IL1RAP: variants seen among roughly 807,000 people sequenced by gnomAD.
IL1RAP encodes the protein interleukin-1 receptor accessory protein.
A neutral mutation model predicts 60.7 loss-of-function variants in IL1RAP; 35 were observed. The ratio of observed to expected loss-of-function variants is 0.58; its 90% CI spans 0.44 to 0.76. The LOEUF is 0.76. Among genes scored for constraint, IL1RAP ranks in the 30% least tolerant of loss-of-function variants. The pLI is 0.00. For missense variants in IL1RAP, 572 were observed against 693.9 expected, an observed-to-expected ratio of 0.82 and a Z score of 1.97; for synonymous variants, 268 against 250.9, an observed-to-expected ratio of 1.07 and a Z score of -0.64.
chr3:190,631,289 G>A (rs724609), intron 9 of IL1RAP, among the ~76,000 whole-genome samples: 136,957 of 152,224 alleles, frequency 0.9, 61,812 homozygotes, highest in East Asian at 1. Flanking sequence ...AATAGGATCA[G>A]AACAATCAAA....
chr3:190,576,249 C>T (rs1364128011), intron 3 of IL1RAP, among the ~76,000 whole-genome samples: 1 of 152,056 alleles, frequency 6.6e-6, no homozygotes, highest in African/African-American at 2.4e-5. Flanking sequence ...GAAAGTCTGA[C>T]ATAATTGACT....
intron 1 of IL1RAP, among the ~76,000 whole-genome samples, chr3:190,524,203 G>T (rs1191100105): frequency 6.6e-6 from 1 of 151,920 alleles, no homozygotes; most frequent in Non-Finnish European, 1.5e-5. Flanking sequence ...TTCTAAATAG[G>T]TTGTTTTTTC....
At chr3:190,593,723 A>G (rs1202375301) in intron 3 of IL1RAP, among the ~76,000 whole-genome samples, 2 of 152,078 alleles carry the variant, frequency 1.3e-5, no homozygotes, top group African/African-American at 2.4e-5. Flanking sequence ...CCATGATTCA[A>G]TTACCTCCCA....
rs1734365338 is a variant in IL1RAP at position 190,651,089 on chromosome 3, A to G, written c.*2384A>G. On this transcript the variant is annotated 3_prime_UTR_variant, in exon 12 of 12. Transcript: ENST00000447382. ...TTTCAAGATTTTTTTTTAATGTTCC[A>G]GAAGATGGCCAATAGAGAACATTCA... The G allele has an allele frequency of 4.1e-6, 4 of 984,984 alleles. No individual in the cohort carries two copies. In the South Asian group the frequency reaches 1.9e-4, roughly 46 times the overall value. 61.0% of individuals were successfully genotyped at this position (984,984 alleles called of 1,614,324 possible).
chr3:190,634,743 T>C (rs1733077899), intron 9 of IL1RAP, among the ~76,000 whole-genome samples: 1 of 137,246 alleles, frequency 7.3e-6, no homozygotes, highest in Non-Finnish European at 1.5e-5. Flanking sequence ...TGAGAAGGAG[T>C]CTCGCTCTTT....
At chr3:190,604,806 C>G (rs1294562439) in intron 4 of IL1RAP, among the ~76,000 whole-genome samples, 8 of 152,174 alleles carry the variant, frequency 5.3e-5, no homozygotes, top group Non-Finnish European at 7.3e-5. Flanking sequence ...TTTCAAAGTA[C>G]TTGGCACAGA....
chr3:190,629,738 T>G, intron 9 of IL1RAP: 1 of 1,197,936 alleles, frequency 8.3e-7, no homozygotes, highest in South Asian at 3.6e-5. Context: ...AAAATCGACG[T>G]GAGTACAGTG....
chr3:190,640,779 A>G (rs1030569118), intron 9 of IL1RAP, among the ~76,000 whole-genome samples: 2 of 152,304 alleles, frequency 1.3e-5, no homozygotes, highest in Admixed American at 1.3e-4. Context: ...TGGGCTTTGA[A>G]GCCAGTTATT....
intron 1 of IL1RAP, among the ~76,000 whole-genome samples, chr3:190,529,430 G>A (rs762106368): frequency 2.0e-5 from 3 of 152,018 alleles, no homozygotes; most frequent in Non-Finnish European, 4.4e-5. Context: ...GCTCATGCCT[G>A]TAATCCCAGC....
chr3:190,655,449 C>CAT (rs1734582747), downstream of IL1RAP, among the ~76,000 whole-genome samples: 1 of 152,002 alleles, frequency 6.6e-6, no homozygotes, highest in Admixed American at 6.6e-5. Flanking sequence ...CACCAGATAA[C>CAT]ATTTGCGAGG....
chr3:190,652,350 T>C (rs1203690633), downstream of IL1RAP, among the ~76,000 whole-genome samples: 3 of 151,620 alleles, frequency 2.0e-5, no homozygotes, highest in African/African-American at 7.3e-5. Context: ...TAGTCCCAGC[T>C]ACTCGGGAGG....
At chr3:190,572,020 T>C (rs1044886251) in intron 3 of IL1RAP, among the ~76,000 whole-genome samples, 8 of 152,176 alleles carry the variant, frequency 5.3e-5, no homozygotes, top group Non-Finnish European at 8.8e-5. Flanking sequence ...TATTAATTAT[T>C]ATTTACTGTA....
intron 9 of IL1RAP, among the ~76,000 whole-genome samples, chr3:190,635,311 G>C (rs559462834): frequency 6.6e-6 from 1 of 151,876 alleles, no homozygotes; most frequent in Non-Finnish European, 1.5e-5. Context: ...TTTTTTCAAT[G>C]AACATATTTT....
intron 1 of IL1RAP, among the ~76,000 whole-genome samples, chr3:190,538,630 G>C (rs1161744665): frequency 1.3e-5 from 2 of 152,152 alleles, no homozygotes; most frequent in Admixed American, 6.6e-5. Flanking sequence ...CAGATTGTCT[G>C]GTTTCCATCA....
At chr3:190,529,728 C>T (rs1289266867) in intron 1 of IL1RAP, among the ~76,000 whole-genome samples, 1 of 150,138 alleles carries the variant, frequency 6.7e-6, no homozygotes, top group Non-Finnish European at 1.5e-5. Context: ...GTGGCAGTCA[C>T]CTGTAATCCC....
intron 5 of IL1RAP, among the ~76,000 whole-genome samples, chr3:190,609,823 C>T (rs192026688): frequency 7.3e-4 from 111 of 152,240 alleles, no homozygotes; most frequent in African/African-American, 2.6e-3. Flanking sequence ...AAGCCACCAA[C>T]AGCCTAAGCC....
rs1202070402 is a variant in IL1RAP, at chr3:190,649,006, C to T, written c.*301C>T. 5.8e-5 allele frequency: 61 copies of T among 1,058,178 alleles called. No homozygotes were observed. Among genetic ancestry groups the T allele is most frequent in the Non-Finnish European group, 6.7e-5 (59 of 877,702 alleles). 65.5% of individuals were successfully genotyped at this position (1,058,178 alleles called of 1,614,324 possible). ...GTCTATCCCTGTTTTTATATGTCTC[C>T]ATTCTTTTTAAAATCTTAACATATG... On this transcript the variant is annotated 3_prime_UTR_variant, in exon 12 of 12. Coordinates refer to ENST00000447382, the MANE Select transcript of IL1RAP (RefSeq NM_002182.4).
At chr3:190,656,300 CAG>C (rs1218749270), downstream of IL1RAP, 1 of 1,537,260 alleles carries the variant, frequency 6.5e-7, no homozygotes, top group Admixed American at 2.0e-5. Flanking sequence ...CTTCAGAGCT[CAG>C]AGAGGGCTGC....
chr3:190,566,268 C>G (rs1391238458), intron 3 of IL1RAP, among the ~76,000 whole-genome samples: 1 of 152,136 alleles, frequency 6.6e-6, no homozygotes, highest in African/African-American at 2.4e-5. Flanking sequence ...CCCCTGCCCC[C>G]AGACTGTCCA....
Sources: gnomAD v4.1 joint callset for allele counts (sites outside exome capture counted in the v4.1 genomes callset) on GRCh38, gnomAD v4.1.1 for gene constraint, MANE v1.5 for transcripts, NCBI Gene and HGNC (gene_info 2026-07-23, HGNC 2026-07-21) for gene names.